SNX19: variants seen among roughly 807,000 people sequenced by gnomAD.
The protein encoded by SNX19 is sorting nexin-19.
Under a neutral mutation model 85.2 loss-of-function variants are expected in SNX19, and 60 were observed. That is an observed-to-expected ratio of 0.70 (90% CI 0.57 to 0.87). SNX19 has a LOEUF of 0.87. Among genes scored for constraint, SNX19 ranks in the 40% least tolerant of loss-of-function variants. The probability of loss-of-function intolerance (pLI) is 0.00; values close to 1 mark genes in which losing one functional copy is unlikely to be tolerated. For synonymous variants in SNX19, 520 were observed against 470.0 expected, an observed-to-expected ratio of 1.11 and a Z score of -1.38; for missense variants, 1,201 against 1,217.8, an observed-to-expected ratio of 0.99 and a Z score of 0.21.
At chr11:130,887,492 G>C (rs532145545) in intron 8 of SNX19, among the ~76,000 whole-genome samples, 10 of 152,324 alleles carry the variant, frequency 6.6e-5, no homozygotes, top group Non-Finnish European at 1.5e-4. Flanking sequence ...GTTGGGTCCT[G>C]TGAATCCAGA....
chr11:130,908,443 C>T (rs2030439340), intron 4 of SNX19: 2 of 173,438 alleles, frequency 1.2e-5, no homozygotes, highest in Non-Finnish European at 2.5e-5. Context: ...AAATCGGTAA[C>T]ACCTTCATCA....
intron 8 of SNX19, among the ~76,000 whole-genome samples, chr11:130,887,418 G>A (rs1352022521): frequency 2.0e-5 from 3 of 152,134 alleles, no homozygotes; most frequent in South Asian, 2.1e-4. Flanking sequence ...AAACTTAGAG[G>A]TTATTTTATC....
intron 5 of SNX19, 29 bp downstream of exon 5, chr11:130,907,924 A>C: frequency 6.2e-6 from 10 of 1,611,034 alleles, no homozygotes; most frequent in Non-Finnish European, 8.5e-6. Context: ...AACTGGGGAA[A>C]GGTCCCTGGG....
At chr11:130,896,298 C>CT (rs1944873370) in intron 8 of SNX19, among the ~76,000 whole-genome samples, 1 of 152,220 alleles carries the variant, frequency 6.6e-6, no homozygotes, top group African/African-American at 2.4e-5. Flanking sequence ...CTGAGAAACT[C>CT]TGAGTCTTAA....
Position 130,906,121 on chromosome 11 carries a change from G to C in SNX19, c.2275C>G (p.Leu759Val). ...AAAGATTCCATCGCAGACATGGATAGAGTCTCAGACTCCTAAGAAATAGTC... is the reference window on the plus strand; with the variant it reads ...AAAGATTCCATCGCAGACATGGATACAGTCTCAGACTCCTAAGAAATAGTC... ...LQEGNVESET[L>V]SMSAMESFIE... Residue 759 changes from leucine (L) to valine (V), a missense_variant, in exon 7 of 11, where the codon CTA (leucine) becomes GTA (valine). Leu to Val is a conservative substitution (Grantham distance 32). Coordinates refer to ENST00000265909, the MANE Select transcript of SNX19 (RefSeq NM_014758.3). 6.2e-7 allele frequency: 1 copy of C among 1,613,866 alleles called. No individual in the cohort carries two copies. Among genetic ancestry groups the C allele is most frequent in the Non-Finnish European group, 8.5e-7 (1 of 1,179,870 alleles).
chr11:130,904,538 C>T (rs983964116), intron 7 of SNX19, among the ~76,000 whole-genome samples: 7 of 152,160 alleles, frequency 4.6e-5, no homozygotes, highest in Non-Finnish European at 7.3e-5. Context: ...CCTTGGGAGA[C>T]AGCATCATCC....
At chr11:130,897,078 C>T (rs1565528454) in intron 8 of SNX19, among the ~76,000 whole-genome samples, 1 of 152,064 alleles carries the variant, frequency 6.6e-6, no homozygotes, top group Non-Finnish European at 1.5e-5. Context: ...CAGACTCTGC[C>T]GCAGCTCTCC....
intron 4 of SNX19, among the ~76,000 whole-genome samples, chr11:130,909,256 C>G (rs759001940): frequency 3.9e-5 from 6 of 151,952 alleles, no homozygotes; most frequent in Non-Finnish European, 8.8e-5. Context: ...CCAGTTGATC[C>G]CTTTTTAGTT....
rs900942735 is a variant in SNX19 at position 130,911,483 on chromosome 11, C to T, written c.1813+150G>A. The T allele has an allele frequency of 3.4e-6, 5 of 1,485,444 alleles. No individual in the cohort carries two copies. The Admixed American group carries it at 1.2e-4, about 35-fold the overall frequency. The allele number at this position is 1,485,444 out of a possible 1,614,324, so 92.0% of individuals were successfully genotyped here. A position where few individuals can be genotyped will look rare whatever the true frequency, so the allele number is the denominator to read the frequency against. On this transcript the variant is annotated intron_variant, in intron 2 of 10. Coordinates refer to ENST00000265909, the MANE Select transcript of SNX19 (RefSeq NM_014758.3). ...AGAATGTGATTGCTGCTGTCCAGCACTAAACTTCAAAACTCCTGAAGCAAA... is the reference window on the plus strand; with the variant it reads ...AGAATGTGATTGCTGCTGTCCAGCATTAAACTTCAAAACTCCTGAAGCAAA...
Position 130,866,809 on chromosome 11 carries a change from G to A in SNX19, c.*11613C>T, listed in dbSNP as rs1942782988. 1 of 152,104 alleles carries A rather than the reference G, an allele frequency of 6.6e-6. No individual in the cohort carries two copies. The highest frequency in any genetic ancestry group is 2.1e-4 in the South Asian group (1 of 4,830). 9.4% of individuals were successfully genotyped at this position (152,104 alleles called of 1,614,324 possible). ...TGTATACGAAGGATAGTCCTGGTGT[G>A]GGGCAGCAGAAATGCCACTGAGCTA... On this transcript the variant is annotated 3_prime_UTR_variant, in exon 11 of 11. Coordinates refer to ENST00000265909, the MANE Select transcript of SNX19 (RefSeq NM_014758.3).
At chr11:130,879,514 T>C in intron 10 of SNX19, 110 bp downstream of exon 10, 1 of 917,246 alleles carries the variant, frequency 1.1e-6, no homozygotes. Context: ...AAGTAAAGAC[T>C]ACAATCCTAT....
chr11:130,883,543 G>A (rs1248521252), intron 8 of SNX19, among the ~76,000 whole-genome samples: 1 of 152,174 alleles, frequency 6.6e-6, no homozygotes, highest in East Asian at 1.9e-4. Flanking sequence ...GCTGCAGAGT[G>A]CCAGCTTTCC....
At chr11:130,899,291 T>C (rs1945090721) in intron 8 of SNX19, among the ~76,000 whole-genome samples, 1 of 152,204 alleles carries the variant, frequency 6.6e-6, no homozygotes. Flanking sequence ...TCCATGTCTA[T>C]AATGCACAGG....
Position 130,879,628 on chromosome 11 carries a change from T to C in SNX19, c.2842A>G (p.Asn948Asp). The C allele has an allele frequency of 6.2e-7, 1 of 1,613,768 alleles. No individual in the cohort carries two copies. Among genetic ancestry groups the C allele is most frequent in the Non-Finnish European group, 8.5e-7 (1 of 1,179,796 alleles). The change falls in exon 10 of 11, where the codon AAC becomes GAC. Residue 948 changes from asparagine (N) to aspartate (D), a missense_variant. Asn to Asp is a conservative substitution (Grantham distance 23, BLOSUM62 1). This residue lies in a region of SNX19 where 285 missense variants were observed against 295.3 expected (regional missense o/e 0.97). Coordinates refer to ENST00000265909, the MANE Select transcript of SNX19 (RefSeq NM_014758.3). ...VLESLQQPLI[N>D]RHLIYCLGDI... ...GAATAACATTTTCCCACTTACCTGTTGATGAGGGGTTGTTGTAGTGACTCC... is the reference window on the plus strand; with the variant it reads ...GAATAACATTTTCCCACTTACCTGTCGATGAGGGGTTGTTGTAGTGACTCC...
chr11:130,912,542 G>C (rs1946208307), intron 1 of SNX19, among the ~76,000 whole-genome samples: 1 of 152,222 alleles, frequency 6.6e-6, no homozygotes, highest in Non-Finnish European at 1.5e-5. Context: ...TGTGGGAGAA[G>C]TATATATGTG....
Position 130,915,666 on chromosome 11 carries a change from G to T in SNX19, c.274C>A (p.Pro92Thr). ...FIPLATCPPC[P>T]EAERQLEREI... ...CGTTCCAGCTGCCTTTCTGCCTCAG[G>T]GCATGGAGGACAGGTGGCCAACGGG... Residue 92 changes from proline (P) to threonine (T), a missense_variant, in exon 1 of 11, where the codon CCT becomes ACT. Pro to Thr is a conservative substitution (Grantham distance 38). Coordinates refer to ENST00000265909, the MANE Select transcript of SNX19 (RefSeq NM_014758.3). The T allele has an allele frequency of 6.2e-7, 1 of 1,614,204 alleles. No individual in the cohort carries two copies.
chr11:130,884,871 C>CAAAAAA (rs34426333), intron 8 of SNX19, among the ~76,000 whole-genome samples: 2 of 64,992 alleles, frequency 3.1e-5, no homozygotes, highest in Admixed American at 1.8e-4. Context: ...GACTCCATCT[C>CAAAAAA]AAAAAAAAAA....
chr11:130,908,373 G>C (rs537649597), intron 4 of SNX19: 1 of 231,082 alleles, frequency 4.3e-6, no homozygotes, highest in Non-Finnish European at 8.4e-6. Context: ...GAGTTCTGCG[G>C]GCTGGTGATG....
Position 130,914,620 on chromosome 11 carries a change from T to C in SNX19, c.1320A>G (p.Thr440=). Residue 440 remains threonine (T), a synonymous_variant, in exon 1 of 11, where the codon ACA becomes ACG. Transcript: ENST00000265909. ...TETETGLPVS[T]LNSCPEIHID... is the part of the protein sequence containing the mutation. Reference sequence around the variant, plus strand: ...TATGGATCTCTGGGCAGGAATTCAGTGTGGAGACCGGCAGGCCTGTCTCTG... The same window carrying C: ...TATGGATCTCTGGGCAGGAATTCAGCGTGGAGACCGGCAGGCCTGTCTCTG... The C allele has an allele frequency of 1.2e-6, 2 of 1,613,936 alleles. No homozygotes were observed. The highest frequency in any genetic ancestry group is 1.7e-6 in the Non-Finnish European group (2 of 1,179,864).
Sources: gnomAD v4.1 joint callset for allele counts (sites outside exome capture counted in the v4.1 genomes callset) on GRCh38, gnomAD v4.1.1 for gene constraint, gnomAD v4.1.1 regional missense constraint, MANE v1.5 for transcripts, NCBI Gene and HGNC (gene_info 2026-07-23, HGNC 2026-07-21) for gene names.